The following RAPGEF6 variants were observed in gnomAD, a reference collection of about 807,000 sequenced individuals.
RAPGEF6 encodes PDZ domain containing guanine nucleotide exchange factor (GEF) 2.
RAPGEF6 carries 56 observed loss-of-function variants against 171.4 expected under a neutral mutation model. The ratio of observed to expected loss-of-function variants is 0.33; its 90% CI spans 0.26 to 0.41. The LOEUF is 0.41. Among genes scored for constraint, RAPGEF6 ranks in the 10% least tolerant of loss-of-function variants. The pLI is 1.00. For missense variants in RAPGEF6, 1,674 were observed against 1,921.4 expected (o/e 0.87, Z 2.41); for synonymous variants, 692 against 650.1 (o/e 1.06, Z -0.98).
intron 4 of RAPGEF6, among the ~76,000 whole-genome samples, chr5:131,586,269 C>G (rs1383387114): frequency 2.0e-5 from 3 of 152,166 alleles, no homozygotes; most frequent in Admixed American, 1.3e-4. Flanking sequence ...GTTTCTTATT[C>G]AGAATATATA....
chr5:131,504,841 C>A (rs1028287962), intron 10 of RAPGEF6, 63 bp from the exon 11 acceptor site: 26 of 1,422,046 alleles, frequency 1.8e-5, no homozygotes, highest in Middle Eastern at 3.7e-4. Context: ...TCACTATGTA[C>A]CAATGCAGAG....
At chr5:131,534,098 C>T (rs1580985411) in intron 6 of RAPGEF6, among the ~76,000 whole-genome samples, 1 of 152,030 alleles carries the variant, frequency 6.6e-6, no homozygotes, top group Non-Finnish European at 1.5e-5. Context: ...AAAACAATCA[C>T]TGAACAAATC....
At chr5:131,619,810 T>C (rs879469108) in intron 1 of RAPGEF6, among the ~76,000 whole-genome samples, 1 of 152,224 alleles carries the variant, frequency 6.6e-6, no homozygotes, top group Non-Finnish European at 1.5e-5. Context: ...ATGAGAAACA[T>C]TAAGCAACGA....
chr5:131,491,890 A>G (rs781361456), intron 14 of RAPGEF6, among the ~76,000 whole-genome samples: 11 of 152,188 alleles, frequency 7.2e-5, no homozygotes, highest in Non-Finnish European at 1.5e-4. Context: ...GAGCTTTGTT[A>G]AAAATACAGA....
intron 13 of RAPGEF6, among the ~76,000 whole-genome samples, chr5:131,493,068 T>C (rs1756393906): frequency 6.6e-6 from 1 of 152,060 alleles, no homozygotes. Flanking sequence ...TATTTATTTA[T>C]TTATTTATTT....
At chr5:131,443,436 T>G (rs1241926579) in intron 22 of RAPGEF6, among the ~76,000 whole-genome samples, 2 of 152,198 alleles carry the variant, frequency 1.3e-5, no homozygotes, top group Non-Finnish European at 2.9e-5. Flanking sequence ...GAGGGTCAAG[T>G]TAACATTCTC....
intron 1 of RAPGEF6, among the ~76,000 whole-genome samples, chr5:131,622,723 T>C (rs566239388): frequency 2.0e-5 from 3 of 152,328 alleles, no homozygotes; most frequent in Admixed American, 1.3e-4. Context: ...ATTCCCCTTC[T>C]ATCCAACTGG....
intron 7 of RAPGEF6, among the ~76,000 whole-genome samples, chr5:131,519,288 T>A (rs188029802): frequency 6.8e-4 from 104 of 152,348 alleles, no homozygotes; most frequent in Middle Eastern, 3.4e-3. Context: ...CAGTCCATCT[T>A]CTAGTTCACA....
At chr5:131,454,599 AAAT>A (rs1561477541) in intron 20 of RAPGEF6, among the ~76,000 whole-genome samples, 1 of 152,162 alleles carries the variant, frequency 6.6e-6, no homozygotes, top group African/African-American at 2.4e-5. Context: ...AAACAAACAA[AAAT>A]AATAACTGGA....
chr5:131,434,515 A>G (rs946583780), intron 24 of RAPGEF6, among the ~76,000 whole-genome samples: 5 of 152,240 alleles, frequency 3.3e-5, no homozygotes, highest in African/African-American at 9.6e-5. Flanking sequence ...CTGGGATTAC[A>G]GGTATGAGCC....
chr5:131,579,819 C>T (rs995656859), intron 4 of RAPGEF6, among the ~76,000 whole-genome samples: 3 of 151,756 alleles, frequency 2.0e-5, no homozygotes, highest in African/African-American at 2.4e-5. Context: ...AAGTTCTCCA[C>T]GTCCCCACTA....
chr5:131,439,499 T>C (rs1189131375), intron 24 of RAPGEF6, 82 bp downstream of exon 24: 3 of 1,472,534 alleles, frequency 2.0e-6, no homozygotes, highest in East Asian at 2.5e-5. Flanking sequence ...TTTATAATTA[T>C]TGCTATAGAT....
chr5:131,557,979 C>T (rs1761347765), intron 5 of RAPGEF6, among the ~76,000 whole-genome samples: 1 of 151,982 alleles, frequency 6.6e-6, no homozygotes, highest in Non-Finnish European at 1.5e-5. Flanking sequence ...GTATAATGCC[C>T]TTGTTAGGCT....
At chr5:131,487,605 C>T (rs1756005099) in intron 15 of RAPGEF6, among the ~76,000 whole-genome samples, 1 of 152,034 alleles carries the variant, frequency 6.6e-6, no homozygotes, top group Non-Finnish European at 1.5e-5. Context: ...CAATCCTTTA[C>T]CTAGACCCAG....
In RAPGEF6 at chr5:131,430,998, C is replaced by T. The variant is rs1285050250; in HGVS notation, c.4326G>A (p.Thr1442=). 5.6e-6 allele frequency: 9 copies of T among 1,614,154 alleles called. No homozygotes were observed. The highest frequency in any genetic ancestry group is 2.2e-5 in the South Asian group (2 of 91,084). ...TAACTGTCCCATAGTTTGGTTCATACGTGTCAGACAGAGAACTGGAGGAGG... is the reference window on the plus strand; with the variant it reads ...TAACTGTCCCATAGTTTGGTTCATATGTGTCAGACAGAGAACTGGAGGAGG... ...SWTSSSSLSD[T]YEPNYGTVKQ... The change falls in exon 26 of 28, where the codon ACG becomes ACA. Residue 1442 remains threonine, a synonymous_variant. Coordinates refer to ENST00000509018, the MANE Select transcript of RAPGEF6 (RefSeq NM_016340.6).
intron 4 of RAPGEF6, among the ~76,000 whole-genome samples, chr5:131,568,441 T>C (rs1028103454): frequency 2.0e-5 from 3 of 152,018 alleles, no homozygotes; most frequent in Admixed American, 2.0e-4. Flanking sequence ...AGCTATCCTC[T>C]CGCCTCAGCC....
At chr5:131,519,862 C>A (rs1243081485) in intron 7 of RAPGEF6, among the ~76,000 whole-genome samples, 1 of 152,122 alleles carries the variant, frequency 6.6e-6, no homozygotes, top group Non-Finnish European at 1.5e-5. Context: ...CAAGATAATT[C>A]TTTTGGGGAG....
chr5:131,506,968 G>A, intron 9 of RAPGEF6, among the ~76,000 whole-genome samples: 1 of 151,458 alleles, frequency 6.6e-6, no homozygotes, highest in East Asian at 1.9e-4. Flanking sequence ...TATGACAGAT[G>A]TTTTCTAGGA....
intron 6 of RAPGEF6, among the ~76,000 whole-genome samples, chr5:131,545,225 T>C (rs544087116): frequency 6.6e-6 from 1 of 152,274 alleles, no homozygotes; most frequent in South Asian, 2.1e-4. Context: ...GAATAAATCA[T>C]CTTTTTCAGT....
Sources: allele counts gnomAD v4.1 joint callset (sites outside exome capture counted in the v4.1 genomes callset), GRCh38; gene constraint gnomAD v4.1.1; transcripts MANE v1.5; gene names NCBI Gene and HGNC (gene_info 2026-07-23, HGNC 2026-07-21).